The following NAALADL2 variants were observed in gnomAD, a reference collection of about 807,000 sequenced individuals.
The protein encoded by NAALADL2 is inactive N-acetylated-alpha-linked acidic dipeptidase-like protein 2.
A neutral mutation model predicts 87.2 loss-of-function variants in NAALADL2; 76 were observed. That is an observed-to-expected ratio of 0.87 (90% confidence interval 0.72 to 1.05). NAALADL2 has a LOEUF of 1.05. NAALADL2 is among the 50% of genes least tolerant of loss of function. The probability of loss-of-function intolerance (pLI) is 0.00; values close to 1 mark genes in which losing one functional copy is unlikely to be tolerated. For missense variants in NAALADL2, 1,089 were observed against 945.8 expected (o/e 1.15, Z -1.99); for synonymous variants, 354 against 331.0 (o/e 1.07, Z -0.75).
intron 1 of NAALADL2, among the ~76,000 whole-genome samples, chr3:174,965,630 T>C (rs751961902): frequency 2.0e-5 from 3 of 152,064 alleles, no homozygotes; most frequent in Non-Finnish European, 4.4e-5. Context: ...TTTGTGCTTA[T>C]ATGAAGGAAA....
intron 2 of NAALADL2, among the ~76,000 whole-genome samples, chr3:174,656,364 C>G (rs1724927459): frequency 6.6e-6 from 1 of 152,146 alleles, no homozygotes; most frequent in African/African-American, 2.4e-5. Flanking sequence ...TCTAGTATGA[C>G]TGCATGCATT....
chr3:174,853,270 C>T (rs1579210976), intron 3 of NAALADL2, among the ~76,000 whole-genome samples: 1 of 140,372 alleles, frequency 7.1e-6, no homozygotes, highest in Non-Finnish European at 1.5e-5. Context: ...CCCAGCTACT[C>T]AGGAGGCTGA....
intron 1 of NAALADL2, among the ~76,000 whole-genome samples, chr3:174,948,850 T>C (rs1052530680): frequency 7.2e-5 from 11 of 152,156 alleles, no homozygotes; most frequent in African/African-American, 2.7e-4. Flanking sequence ...TCTTTCAGGC[T>C]GCTATAAGAA....
At chr3:174,838,124 G>A (rs965760403) in intron 3 of NAALADL2, among the ~76,000 whole-genome samples, 1 of 150,658 alleles carries the variant, frequency 6.6e-6, no homozygotes, top group Non-Finnish European at 1.5e-5. Context: ...ATCCAACAAC[G>A]TATCAAAAAG....
At chr3:175,081,637 C>T (rs745977652) in intron 1 of NAALADL2, among the ~76,000 whole-genome samples, 5 of 152,104 alleles carry the variant, frequency 3.3e-5, no homozygotes, top group Non-Finnish European at 5.9e-5. Context: ...ATGCATATTC[C>T]CACCAGCTCT....
At chr3:174,542,364 G>T (rs1187301336) in intron 1 of NAALADL2, among the ~76,000 whole-genome samples, 6 of 152,108 alleles carry the variant, frequency 3.9e-5, no homozygotes, top group Non-Finnish European at 5.9e-5. Flanking sequence ...TTATGGGCAT[G>T]GACTCTGCTT....
chr3:175,400,921 A>T (rs992052817), intron 5 of NAALADL2, among the ~76,000 whole-genome samples: 6 of 152,134 alleles, frequency 3.9e-5, no homozygotes, highest in African/African-American at 1.4e-4. Flanking sequence ...TCAATGCTGG[A>T]CTCATCTGCT....
chr3:174,597,336 A>G (rs1718017053), intron 2 of NAALADL2, among the ~76,000 whole-genome samples: 1 of 152,206 alleles, frequency 6.6e-6, no homozygotes, highest in African/African-American at 2.4e-5. Flanking sequence ...CCTAACACAT[A>G]GCAACATTTT....
chr3:175,192,878 C>T (rs377618591), intron 2 of NAALADL2, among the ~76,000 whole-genome samples: 35 of 151,622 alleles, frequency 2.3e-4, no homozygotes, highest in African/African-American at 4.1e-4. Context: ...TAAAATTTTA[C>T]GTGTAGCCAC....
intron 1 of NAALADL2, among the ~76,000 whole-genome samples, chr3:174,462,445 T>G (rs1486466775): frequency 6.6e-6 from 1 of 152,134 alleles, no homozygotes; most frequent in East Asian, 1.9e-4. Flanking sequence ...AGAGCAATTC[T>G]CAAAATATAT....
At chr3:175,392,989 A>G (rs1769258074) in intron 5 of NAALADL2, among the ~76,000 whole-genome samples, 1 of 152,158 alleles carries the variant, frequency 6.6e-6, no homozygotes, top group Non-Finnish European at 1.5e-5. Flanking sequence ...TCATCTTTAA[A>G]ATGGGAATAA....
chr3:175,103,986 T>C (rs1722677921), intron 2 of NAALADL2, among the ~76,000 whole-genome samples: 1 of 152,214 alleles, frequency 6.6e-6, no homozygotes, highest in Non-Finnish European at 1.5e-5. Context: ...TCCCGTGATA[T>C]AAGAAAATAA....
intron 5 of NAALADL2, among the ~76,000 whole-genome samples, chr3:175,341,623 A>T (rs1041021266): frequency 2.0e-5 from 3 of 152,122 alleles, no homozygotes; most frequent in African/African-American, 7.2e-5. Context: ...AATTCCCACC[A>T]GCAATATATA....
At chr3:174,533,054 C>A (rs1721384520) in intron 1 of NAALADL2, among the ~76,000 whole-genome samples, 1 of 149,998 alleles carries the variant, frequency 6.7e-6, no homozygotes, top group Non-Finnish European at 1.5e-5. Flanking sequence ...TAGCTCATTA[C>A]AGACACCCCT....
intron 11 of NAALADL2, among the ~76,000 whole-genome samples, chr3:175,642,689 A>G (rs2151613): frequency 0.26 from 40,080 of 151,832 alleles, 6,084 homozygotes; most frequent in African/African-American, 0.43. Context: ...TTTAGTACAG[A>G]CGGGGTTTCA....
At position 174,452,761 on chromosome 3, in the gene NAALADL2, GA is replaced by G. The variant is rs565569906; in HGVS notation, c.-184+11741del. ...CTCAAGGTCATCAAATAGCATAAAA[GA>G]AAAAAAAAAAACTCATTCAAAGGAC... On this transcript the variant is annotated intron_variant, in intron 1 of 3. Coordinates refer to the NAALADL2 transcript ENST00000434257. Among the ~76,000 whole-genome samples, 532 of 136,868 alleles carry G rather than the reference GA, an allele frequency of 3.9e-3. 3 individuals are homozygous for G. The highest frequency in any genetic ancestry group is 0.015 in the Middle Eastern group (4 of 266). 89.8% of individuals were successfully genotyped at this position (136,868 alleles called of 152,430 possible).
At chr3:175,575,955 T>G in intron 9 of NAALADL2, 86 bp from the exon 10 acceptor site, 1 of 1,101,454 alleles carries the variant, frequency 9.1e-7, no homozygotes, top group Non-Finnish European at 1.3e-6. Flanking sequence ...ATGCTGCTGA[T>G]CTGTGGACCA....
intron 2 of NAALADL2, among the ~76,000 whole-genome samples, chr3:175,118,215 A>AGGTAGGGT (rs1725584703): frequency 2.6e-5 from 4 of 151,934 alleles, no homozygotes; most frequent in Non-Finnish European, 5.9e-5. Context: ...ATATGTAACA[A>AGGTAGGGT]ACCTGCACGT....
intron 1 of NAALADL2, among the ~76,000 whole-genome samples, chr3:174,899,319 T>A (rs1732018465): frequency 6.6e-6 from 1 of 152,096 alleles, no homozygotes; most frequent in South Asian, 2.1e-4. Flanking sequence ...TGATACAGTT[T>A]AAGTATTTGG....
Sources: gnomAD v4.1 joint callset for allele counts (sites outside exome capture counted in the v4.1 genomes callset) on GRCh38, gnomAD v4.1.1 for gene constraint, MANE v1.5 for transcripts, NCBI Gene and HGNC (gene_info 2026-07-23, HGNC 2026-07-21) for gene names.